Variants in TOP3B observed in about 807,000 individuals in gnomAD.
TOP3B encodes DNA topoisomerase III beta.
In TOP3B, 45 loss-of-function variants were observed where a neutral mutation model predicts 93.9. That is an observed-to-expected ratio of 0.48 (90% CI 0.38 to 0.61). The LOEUF (loss-of-function observed/expected upper bound fraction) is 0.61. Ranked by LOEUF, TOP3B falls within the 20% of genes least tolerant of loss-of-function variation. TOP3B has a pLI of 0.00. For synonymous variants in TOP3B, 357 were observed against 472.6 expected (o/e 0.76, Z 3.17); for missense variants, 750 against 1,156.1 (o/e 0.65, Z 5.09).
chr22:21,964,021 C>G lies in TOP3B; in HGVS notation c.1106G>C (p.Arg369Pro), dbSNP rs756829071. 22 of 1,607,130 alleles carry G rather than the reference C, an allele frequency of 1.4e-5. No individual in the cohort carries two copies. The highest frequency in any genetic ancestry group is 5.3e-5 in the African/African-American group (4 of 74,968). Residue 369 changes from arginine to proline, a missense_variant, in exon 11 of 18, where the codon CGG (arginine) becomes CCG (proline). Transcript: ENST00000357179. Reference sequence around the variant, plus strand: ...GCGGTTGATACCTTCTGCTAACAACCGCTTCACCTGAGGGAGAGAAGACAG... The same window carrying G: ...GCGGTTGATACCTTCTGCTAACAACGGCTTCACCTGAGGGAGAGAAGACAG... ...NHPYWADTVK[R>P]LLAEGINRPR...
intron 9 of TOP3B, 76 bp downstream of exon 9, chr22:21,965,209 C>T: frequency 2.8e-6 from 3 of 1,085,656 alleles, no homozygotes; most frequent in Middle Eastern, 2.1e-4. Flanking sequence ...ATCCTGCAAC[C>T]CTGGGCACTC....
At chr22:21,958,812 C>T in intron 16 of TOP3B, 119 bp from the exon 17 acceptor site, 1 of 1,416,688 alleles carries the variant, frequency 7.1e-7, no homozygotes, top group Non-Finnish European at 9.3e-7. Context: ...TGACACACTG[C>T]CAGGCAAGGA....
chr22:21,964,439 A>G (rs1228424550), intron 9 of TOP3B, 124 bp from the exon 10 acceptor site: 2 of 1,153,920 alleles, frequency 1.7e-6, no homozygotes, highest in Non-Finnish European at 2.5e-6. Context: ...GGTGGCTCTG[A>G]GCAGGCACAG....
chr22:21,974,601 T>C, intron 2 of TOP3B, 113 bp from the exon 3 acceptor site: 2 of 1,250,010 alleles, frequency 1.6e-6, no homozygotes, highest in Admixed American at 2.6e-5. Context: ...TTCCCCAGAG[T>C]GGTGAGTGAC....
At position 21,958,618 on chromosome 22, in the gene TOP3B, A is replaced by G. The variant is rs2071030925; in HGVS notation, c.1981T>C (p.Tyr661His). The change falls in exon 17 of 18, where the codon TAC becomes CAC. Residue 661 changes from tyrosine (Y) to histidine (H), a missense_variant. This residue lies in a region of TOP3B where 737 missense variants were observed against 933.7 expected (regional missense o/e 0.79). Coordinates refer to ENST00000357179, the MANE Select transcript of TOP3B (RefSeq NM_001282112.2). ...TCCAGAGGGCAGCGGAGCTCCTTGT[A>G]GAGCTTGATGGTGCCGTTCTGGGGG... is the stretch of plus-strand genomic sequence containing the variant. The part of the protein sequence containing the change: ...TLPQNGTIKL[Y>H]KELRCPLDDF... The G allele has an allele frequency of 5.6e-6, 9 of 1,613,850 alleles. No individual in the cohort carries two copies. The highest frequency in any genetic ancestry group is 6.8e-6 in the Non-Finnish European group (8 of 1,179,812).
At chr22:21,973,450 G>GT (rs5844478) in intron 3 of TOP3B, 9,933 of 130,648 alleles carry the variant, frequency 0.076, 557 homozygotes, top group African/African-American at 0.14. Context: ...AAAGAATTTT[G>GT]TTTTTTTTTT....
chr22:21,981,473 C>T (rs1395872965), intron 1 of TOP3B, among the ~76,000 whole-genome samples: 1 of 152,164 alleles, frequency 6.6e-6, no homozygotes. Flanking sequence ...TCTTACAGCT[C>T]CTAGAAAGTA....
In TOP3B at chr22:21,970,413, G is replaced by A. The variant is rs750826247; in HGVS notation, c.385-7C>T. 9.9e-6 allele frequency: 16 copies of A among 1,612,968 alleles called. 1 individual carries two copies. Among genetic ancestry groups the A allele is most frequent in the South Asian group, 3.3e-5 (3 of 91,014 alleles). ...GCAGAACAGCATCAAGAACCTGGGGGTGGGGAGTGGCCAGCTGTGACCCAC... is the reference window on the plus strand; with the variant it reads ...GCAGAACAGCATCAAGAACCTGGGGATGGGGAGTGGCCAGCTGTGACCCAC... On this transcript the variant is annotated splice_polypyrimidine_tract_variant and splice_region_variant and intron_variant, in intron 5 of 17. Transcript: ENST00000357179. This position sits in a 1 kb window ranked among gnomAD's most constrained non-coding sequence, Gnocchi z 4.4.
chr22:21,972,997 C>T, intron 3 of TOP3B: 1 of 453,264 alleles, frequency 2.2e-6, no homozygotes. Flanking sequence ...GGCTGCCACT[C>T]TGGCCTCACT....
intron 1 of TOP3B, 77 bp from the exon 2 acceptor site, chr22:21,975,884 C>T (rs758569351): frequency 1.2e-5 from 13 of 1,063,572 alleles, no homozygotes; most frequent in African/African-American, 1.7e-5. Flanking sequence ...ATCACTTTAA[C>T]AAAGAAAAAA....
intron 1 of TOP3B, chr22:21,976,292 C>T (rs1227232917): frequency 1.3e-5 from 2 of 152,392 alleles, no homozygotes; most frequent in Non-Finnish European, 2.9e-5. Context: ...GCTGGGCCCC[C>T]CAGGTCCTTC....
intron 4 of TOP3B, chr22:21,972,199 A>G (rs928467429): frequency 3.9e-6 from 2 of 513,996 alleles, no homozygotes; most frequent in Non-Finnish European, 6.8e-6. Flanking sequence ...TTATACCCCA[A>G]AACTGCCCAG....
intron 2 of TOP3B, chr22:21,974,945 A>G (rs2071801315): frequency 6.5e-6 from 1 of 155,038 alleles, no homozygotes; most frequent in African/African-American, 2.4e-5. Flanking sequence ...GGCACCGGGC[A>G]CCACTTTTGG....
At position 21,963,538 on chromosome 22, in the gene TOP3B, T is replaced by C. The variant is rs768789472; in HGVS notation, c.1204+385A>G. 2 of 245,332 alleles carry C rather than the reference T, an allele frequency of 8.2e-6. No individual in the cohort carries two copies. The highest frequency in any genetic ancestry group is 2.3e-5 in the African/African-American group (1 of 43,386). 15.2% of individuals were successfully genotyped at this position (245,332 alleles called of 1,614,324 possible). The stretch of plus-strand genomic sequence containing the variant: ...GCTTCAAACTCAGACTGTCCACAGG[T>C]GGCTCCTGTCTCTACCTGCACTGCT... On this transcript the variant is annotated intron_variant, in intron 11 of 17. Transcript: ENST00000357179. The surrounding 1 kb of genome is among the most constrained non-coding windows in gnomAD (Gnocchi z 4.8).
At chr22:21,982,333 G>A (rs1049806027) in intron 1 of TOP3B, 1 of 152,240 alleles carries the variant, frequency 6.6e-6, no homozygotes, top group African/African-American at 2.4e-5. Context: ...AGGGGGCGGC[G>A]AGTGGAAGCT....
intron 3 of TOP3B, 31 bp from the exon 4 acceptor site, chr22:21,972,749 C>G (rs767748403): frequency 6.4e-7 from 1 of 1,569,756 alleles, no homozygotes; most frequent in South Asian, 1.1e-5. Flanking sequence ...CATTGAGTCA[C>G]AGGAGCTCAG....
rs188822134 is a variant in TOP3B, at chr22:21,963,557, C to T, written c.1204+366G>A. 117 of 292,252 alleles carry T rather than the reference C, an allele frequency of 4.0e-4. No individual in the cohort carries two copies. The highest frequency in any genetic ancestry group is 2.2e-3 in the African/African-American group (99 of 45,000). 18.1% of individuals were successfully genotyped at this position (292,252 alleles called of 1,614,324 possible). On this transcript the variant is annotated intron_variant, in intron 11 of 17. Transcript: ENST00000357179. The surrounding 1 kb of genome is among the most constrained non-coding windows in gnomAD (Gnocchi z 4.8). ...CACAGGTGGCTCCTGTCTCTACCTG[C>T]ACTGCTCTCCCTTCCTCATTTGCCT...
At position 21,970,629 on chromosome 22, in the gene TOP3B, T is replaced by C; in HGVS notation, c.385-223A>G. ...GAGCACTCCACAACACCCCACCACA[T>C]GGCTTCCTTTACTCCCATCTAGAAA... On this transcript the variant is annotated intron_variant, in intron 5 of 17. Coordinates refer to ENST00000357179, the MANE Select transcript of TOP3B (RefSeq NM_001282112.2). The surrounding 1 kb of genome is among the most constrained non-coding windows in gnomAD (Gnocchi z 4.4). 1.7e-6 allele frequency: 1 copy of C among 578,060 alleles called. No individual in the cohort carries two copies. The highest frequency in any genetic ancestry group is 3.1e-6 in the Non-Finnish European group (1 of 323,410). The allele number at this position is 578,060 out of a possible 1,614,324, so 35.8% of individuals were successfully genotyped here. A position where few individuals can be genotyped will look rare whatever the true frequency, so the allele number is the denominator to read the frequency against.
Position 21,975,739 on chromosome 22 carries a change from G to A in TOP3B, c.-30C>T, listed in dbSNP as rs1301565809. 5 of 1,590,232 alleles carry A rather than the reference G, an allele frequency of 3.1e-6. No homozygotes were observed. The highest frequency in any genetic ancestry group is 2.3e-5 in the East Asian group (1 of 44,332). ...TCTCGGTCCTTCACACTCCAGTTTC[G>A]GGGCACTGGCAATGAAAAAGTTTAG... On this transcript the variant is annotated 5_prime_UTR_variant, in exon 2 of 18. Transcript: ENST00000357179.
Sources: allele counts gnomAD v4.1 joint callset (sites outside exome capture counted in the v4.1 genomes callset), GRCh38; gene constraint gnomAD v4.1.1; regional missense constraint gnomAD v4.1.1; non-coding constraint Gnocchi (gnomAD v3.1); transcripts MANE v1.5; gene names NCBI Gene and HGNC (gene_info 2026-07-23, HGNC 2026-07-21).